Variants in STYK1 observed in about 807,000 individuals in gnomAD.
The protein encoded by STYK1 is tyrosine-protein kinase STYK1.
STYK1 carries 46 observed loss-of-function variants against 48.1 expected under a neutral mutation model. That is an observed-to-expected ratio of 0.96 (90% CI 0.75 to 1.22). STYK1 has a LOEUF of 1.22. STYK1 is among the 50% of genes most tolerant of loss of function. The pLI, the probability that STYK1 is intolerant of heterozygous loss-of-function variation, is 0.00. For missense variants in STYK1, 527 were observed against 521.1 expected, an observed-to-expected ratio of 1.01 and a Z score of -0.11; for synonymous variants, 188 against 189.0, an observed-to-expected ratio of 0.99 and a Z score of 0.04.
At chr12:10,634,811 C>T (rs1183935143) in intron 2 of STYK1, 125 bp from the exon 3 acceptor site, 5 of 597,928 alleles carry the variant, frequency 8.4e-6, no homozygotes, top group Admixed American at 3.0e-5. Flanking sequence ...CTGAGTCATC[C>T]GTTTATCTCT....
chr12:10,622,650 T>C lies in STYK1; in HGVS notation c.955A>G (p.Met319Val). The C allele has an allele frequency of 6.2e-7, 1 of 1,613,978 alleles. No homozygotes were observed. Reference protein sequence around the residue: ...VWSFGILLYEMVTLGAPPYPE... With the variant: ...VWSFGILLYEVVTLGAPPYPE... ...GGCTCATCCTTACCTAGAGTCACCA[T>C]CTCATAGAGCAGGATCCCAAAAGAC... is the stretch of plus-strand genomic sequence containing the variant. The change falls in exon 9 of 11, where the codon ATG becomes GTG. Residue 319 changes from methionine (M) to valine (V), a missense_variant. Transcript: ENST00000075503.
chr12:10,622,575 C>T, intron 9 of STYK1, 63 bp downstream of exon 9: 4 of 1,589,164 alleles, frequency 2.5e-6, no homozygotes, highest in Non-Finnish European at 3.5e-6. Flanking sequence ...ATCATCCACC[C>T]CTTAAATAAA....
intron 1 of STYK1, among the ~76,000 whole-genome samples, chr12:10,666,812 G>A (rs543823768): frequency 1.3e-5 from 2 of 152,148 alleles, no homozygotes; most frequent in African/African-American, 4.8e-5. Flanking sequence ...TTCTGCCATG[G>A]TTATAAGTTT....
At chr12:10,654,146 A>G (rs1947692388) in intron 1 of STYK1, among the ~76,000 whole-genome samples, 1 of 152,216 alleles carries the variant, frequency 6.6e-6, no homozygotes, top group African/African-American at 2.4e-5. Flanking sequence ...CTGACAGTTT[A>G]CAAATGCCAC....
intron 2 of STYK1, among the ~76,000 whole-genome samples, chr12:10,636,370 T>C (rs1024347855): frequency 1.3e-5 from 2 of 152,074 alleles, no homozygotes; most frequent in Non-Finnish European, 2.9e-5. Flanking sequence ...GGGCGGAAAA[T>C]TGGCACAGAA....
chr12:10,626,383 A>G (rs548303814), intron 7 of STYK1, among the ~76,000 whole-genome samples: 1 of 152,246 alleles, frequency 6.6e-6, no homozygotes, highest in African/African-American at 2.4e-5. Context: ...TTCAAACACC[A>G]TAGACAATAT....
At chr12:10,627,823 A>C (rs989040911) in intron 6 of STYK1, 99 bp from the exon 7 acceptor site, 1 of 976,858 alleles carries the variant, frequency 1.0e-6, no homozygotes, top group African/African-American at 1.7e-5. Context: ...TGCAGTTATC[A>C]AAGCTTTGAA....
intron 1 of STYK1, among the ~76,000 whole-genome samples, chr12:10,658,423 C>T (rs545089565): frequency 6.6e-6 from 1 of 152,282 alleles, no homozygotes; most frequent in East Asian, 1.9e-4. Context: ...GGAAAAGAGA[C>T]ATTGTGTGGA....
At chr12:10,640,516 T>A (rs1263007927) in intron 1 of STYK1, among the ~76,000 whole-genome samples, 1 of 152,188 alleles carries the variant, frequency 6.6e-6, no homozygotes, top group Non-Finnish European at 1.5e-5. Context: ...TTATTTCTGA[T>A]CTTTGCCCTC....
chr12:10,630,950 G>A, intron 5 of STYK1, 95 bp downstream of exon 5: 2 of 1,491,970 alleles, frequency 1.3e-6, no homozygotes, highest in Non-Finnish European at 1.8e-6. Flanking sequence ...ACACAGTTAT[G>A]ATCACAACTA....
chr12:10,650,013 C>T (rs1017467334), intron 1 of STYK1, among the ~76,000 whole-genome samples: 50 of 144,982 alleles, frequency 3.4e-4, no homozygotes, highest in Admixed American at 2.9e-4. Context: ...ACTCGGGAGG[C>T]GGAGGCAGGA....
rs139310198 is a variant in STYK1, at chr12:10,666,449, C to A, written c.-195+7517G>T. The stretch of plus-strand genomic sequence containing the variant: ...CAAACCCTGCATTCATCTCCCACAA[C>A]ACAGTACATCTGGTTAAATCATTCA... On this transcript the variant is annotated intron_variant, in intron 1 of 10. Transcript: ENST00000075503. Among the ~76,000 whole-genome samples the A allele has an allele frequency of 9.4e-3, 1,425 of 152,330 alleles. 22 individuals carry two copies. The highest frequency in any genetic ancestry group is 0.032 in the African/African-American group (1,335 of 41,572).
intron 7 of STYK1, among the ~76,000 whole-genome samples, chr12:10,625,206 T>G (rs2417909): frequency 0.26 from 39,528 of 149,232 alleles, 8,831 homozygotes; most frequent in Middle Eastern, 0.34. Flanking sequence ...TTCTTTCTTT[T>G]TTTGTTTGTT....
chr12:10,618,992 A>G lies in STYK1; in HGVS notation c.*1152T>C, dbSNP rs1003554444. 7.2e-5 allele frequency: 11 copies of G among 152,236 alleles called. No homozygotes were observed. The highest frequency in any genetic ancestry group is 4.1e-4 in the South Asian group (2 of 4,834). 9.4% of individuals were successfully genotyped at this position (152,236 alleles called of 1,614,324 possible). A position where few individuals can be genotyped will look rare whatever the true frequency, so the allele number is the denominator to read the frequency against. On this transcript the variant is annotated 3_prime_UTR_variant, in exon 11 of 11. Coordinates refer to ENST00000075503, the MANE Select transcript of STYK1 (RefSeq NM_018423.3). ...TATGTGCCAGATAGTGTACAAATAC[A>G]TACTCAAAACGTATCAATCCTCAGA...
intron 9 of STYK1, among the ~76,000 whole-genome samples, chr12:10,622,216 A>C (rs940863185): frequency 3.9e-5 from 6 of 152,212 alleles, no homozygotes; most frequent in African/African-American, 7.2e-5. Flanking sequence ...GAAAGTGATC[A>C]AATAAGACAA....
chr12:10,639,731 A>T (rs554535195), intron 1 of STYK1, among the ~76,000 whole-genome samples: 56 of 152,220 alleles, frequency 3.7e-4, no homozygotes, highest in South Asian at 6.2e-4. Flanking sequence ...CCACTTTTTA[A>T]AAAAAAATGG....
intron 8 of STYK1, among the ~76,000 whole-genome samples, chr12:10,623,271 T>C (rs1947318435): frequency 6.6e-6 from 1 of 152,214 alleles, no homozygotes. Context: ...ACAGTTAAGT[T>C]TATTACCCCC....
chr12:10,670,578 G>T (rs1284040302), intron 1 of STYK1, among the ~76,000 whole-genome samples: 1 of 151,754 alleles, frequency 6.6e-6, no homozygotes, highest in Non-Finnish European at 1.5e-5. Context: ...GGGGGAATTC[G>T]AGGGGTTAGA....
intron 1 of STYK1, among the ~76,000 whole-genome samples, chr12:10,668,397 CAG>C (rs1199325434): frequency 4.6e-5 from 7 of 151,296 alleles, no homozygotes; most frequent in Non-Finnish European, 8.8e-5. Context: ...TTTTTTTAGA[CAG>C]AGTTTCACTC....
Sources: gnomAD v4.1 joint callset for allele counts (sites outside exome capture counted in the v4.1 genomes callset) on GRCh38, gnomAD v4.1.1 for gene constraint, MANE v1.5 for transcripts, NCBI Gene and HGNC (gene_info 2026-07-23, HGNC 2026-07-21) for gene names.